Variants in TACC2 observed in about 807,000 individuals in gnomAD.
The protein encoded by TACC2 is transforming acidic coiled-coil-containing protein 2.
Under a neutral mutation model 227.3 loss-of-function variants are expected in TACC2, and 137 were observed. The observed-to-expected ratio is 0.60, with a 90% CI of 0.52 to 0.69. The LOEUF is 0.69. Among genes scored for constraint, TACC2 ranks in the 30% least tolerant of loss-of-function variants. The pLI, the probability that TACC2 is intolerant of heterozygous loss-of-function variation, is 0.00. For missense variants in TACC2, 3,470 were observed against 3,694.4 expected (o/e 0.94, Z 1.57); for synonymous variants, 1,523 against 1,487.5 (o/e 1.02, Z -0.55).
chr10:122,092,118 G>T (rs7096767), intron 5 of TACC2, among the ~76,000 whole-genome samples: 144,156 of 152,274 alleles, frequency 0.95, 68,747 homozygotes, highest in East Asian at 1. Flanking sequence ...CTCTCTTCAG[G>T]GTGGAGATGG....
chr10:121,993,817 C>A lies in TACC2; in HGVS notation c.-46+4329C>A, dbSNP rs543458876. 9.2e-5 allele frequency among the ~76,000 whole-genome samples: 14 copies of A among 152,114 alleles called. No individual in the cohort carries two copies. In the South Asian group the frequency reaches 2.9e-3, roughly 32 times the overall value. ...ATTTTTTTGTTGTACTTTTAGTAGA[C>A]TCTACAAGGTCCCTCTGTGTTGCCC... On this transcript the variant is annotated intron_variant, in intron 1 of 22. Transcript: ENST00000369005.
At chr10:122,134,924 C>T (rs1417521222) in intron 6 of TACC2, among the ~76,000 whole-genome samples, 7 of 152,178 alleles carry the variant, frequency 4.6e-5, no homozygotes, top group Admixed American at 2.6e-4. Flanking sequence ...AGTGACTTGT[C>T]CCAGGCTCCA....
chr10:122,191,931 G>A (rs997754933), intron 7 of TACC2, among the ~76,000 whole-genome samples: 10 of 152,128 alleles, frequency 6.6e-5, no homozygotes, highest in African/African-American at 2.4e-4. Flanking sequence ...TTATACACTG[G>A]GCCTCCAAAG....
Position 122,211,110 on chromosome 10 carries a change from G to C in TACC2, c.6685G>C (p.Val2229Leu), listed in dbSNP as rs144863138. ...TGGCAGAGTGCAGAACTCACCCCCT[G>C]TCGGGAGGAAAACGCTGCCTCTTAC... ...GGGRVQNSPP[V>L]GRKTLPLTTA... Residue 2229 changes from valine to leucine, a missense_variant, in exon 9 of 23, where the codon GTC becomes CTC. Val to Leu is a conservative substitution (Grantham distance 32, BLOSUM62 1). Around this residue, in one of 10 missense-constraint regions of TACC2, gnomAD observed 593 missense variants for 636.6 expected, o/e 0.93. Transcript: ENST00000369005. 1.2e-6 allele frequency: 2 copies of C among 1,611,532 alleles called. No individual in the cohort carries two copies. The highest frequency in any genetic ancestry group is 1.7e-6 in the Non-Finnish European group (2 of 1,178,958).
intron 1 of TACC2, among the ~76,000 whole-genome samples, chr10:122,015,104 T>C (rs1956411225): frequency 3.5e-5 from 1 of 28,544 alleles, no homozygotes; most frequent in Admixed American, 4.6e-4. Context: ...GTTCATCTGC[T>C]ATAAAAAAAA....
chr10:122,165,118 C>G (rs2093077695), intron 7 of TACC2, among the ~76,000 whole-genome samples: 1 of 152,170 alleles, frequency 6.6e-6, no homozygotes, highest in African/African-American at 2.4e-5. Context: ...ACCCCTGTAG[C>G]TTGAGAAAGC....
At chr10:122,046,130 A>G (rs9420343) in intron 2 of TACC2, among the ~76,000 whole-genome samples, 80,743 of 150,146 alleles carry the variant, frequency 0.54, 21,549 homozygotes, top group South Asian at 0.67. Context: ...AGCTGAGATC[A>G]CGCCATTGCA....
At chr10:122,017,818 C>CAAA (rs5788525) in intron 1 of TACC2, among the ~76,000 whole-genome samples, 16,858 of 74,718 alleles carry the variant, frequency 0.23, 1,705 homozygotes, top group South Asian at 0.32. Context: ...GAAACTGTCT[C>CAAA]AAAAAAAAAA....
intron 7 of TACC2, among the ~76,000 whole-genome samples, chr10:122,188,219 A>T (rs1304380302): frequency 6.6e-6 from 1 of 152,100 alleles, no homozygotes; most frequent in Non-Finnish European, 1.5e-5. Flanking sequence ...GTCTCTTCAG[A>T]TGTGGTTCCT....
intron 11 of TACC2, among the ~76,000 whole-genome samples, chr10:122,222,031 G>A (rs982065549): frequency 1.2e-4 from 19 of 152,296 alleles, no homozygotes; most frequent in Admixed American, 6.5e-4. Context: ...GACAGGACCC[G>A]TGAACGATGA....
chr10:122,168,009 C>A (rs2093277295), intron 7 of TACC2, among the ~76,000 whole-genome samples: 1 of 151,208 alleles, frequency 6.6e-6, no homozygotes, highest in Non-Finnish European at 1.5e-5. Context: ...ACCTCATCCT[C>A]TCAAGTAGCT....
chr10:122,059,098 A>G (rs1164299062), intron 3 of TACC2, among the ~76,000 whole-genome samples: 1 of 114,068 alleles, frequency 8.8e-6, no homozygotes, highest in Non-Finnish European at 1.9e-5. Flanking sequence ...TTGTATTTTT[A>G]GTAGAGACGG....
intron 19 of TACC2, 86 bp downstream of exon 19, chr10:122,242,087 G>A: frequency 7.8e-7 from 1 of 1,288,072 alleles, no homozygotes. Flanking sequence ...GGCTCAGAGT[G>A]GGTTTCTGGT....
chr10:122,035,143 C>T lies in TACC2; in HGVS notation c.33+13129C>T, dbSNP rs553951816. 4.7e-4 allele frequency among the ~76,000 whole-genome samples: 71 copies of T among 152,226 alleles called. No homozygotes were observed. In the South Asian group the frequency reaches 0.013, roughly 27 times the overall value. On this transcript the variant is annotated intron_variant, in intron 2 of 22. Coordinates refer to ENST00000369005, the MANE Select transcript of TACC2 (RefSeq NM_206862.4). ...CCTGTTAGGGGAAGAGCACTTTGTC[C>T]GGTTCTATCTCACAGAGGTCTTCCA...
chr10:122,121,257 G>C (rs890458577), intron 5 of TACC2, among the ~76,000 whole-genome samples: 1 of 152,180 alleles, frequency 6.6e-6, no homozygotes, highest in African/African-American at 2.4e-5. Flanking sequence ...TCTTAATGAC[G>C]CCAGCATTTG....
intron 1 of TACC2, among the ~76,000 whole-genome samples, chr10:122,016,528 C>CT (rs1240660076): frequency 6.7e-6 from 1 of 149,280 alleles, no homozygotes; most frequent in Non-Finnish European, 1.5e-5. Flanking sequence ...GATTGCACCA[C>CT]TGTACTCCAG....
rs377138456 is a variant in TACC2 at position 122,083,832 on chromosome 10, A to T, written c.1332A>T (p.Ser444=). 2.5e-5 allele frequency: 40 copies of T among 1,614,172 alleles called. No individual in the cohort carries two copies. Among genetic ancestry groups the T allele is most frequent in the Non-Finnish European group, 3.3e-5 (39 of 1,180,032 alleles). The change falls in exon 4 of 23, where the codon TCA becomes TCT. Residue 444 remains serine (S), a synonymous_variant. Transcript: ENST00000369005. ...VEEPGSSSRE[S]VSKAGMPVSA... Reference sequence around the variant, plus strand: ...AACCTGGATCATCATCCAGGGAATCAGTTTCCAAGGCTGGGATGCCAGTTT... The same window carrying T: ...AACCTGGATCATCATCCAGGGAATCTGTTTCCAAGGCTGGGATGCCAGTTT...
intron 22 of TACC2, among the ~76,000 whole-genome samples, chr10:122,251,322 T>C (rs1319324910): frequency 6.6e-6 from 1 of 152,224 alleles, no homozygotes; most frequent in Non-Finnish European, 1.5e-5. Flanking sequence ...TATGTTCAAC[T>C]ACCTGTTTTG....
At chr10:122,164,017 C>T (rs373928274) in intron 7 of TACC2, 73 of 1,564,620 alleles carry the variant, frequency 4.7e-5, no homozygotes, top group Non-Finnish European at 6.1e-5. Context: ...CGGGCCGCCC[C>T]GAGTCTCCCG....
Sources: allele counts gnomAD v4.1 joint callset (sites outside exome capture counted in the v4.1 genomes callset), GRCh38; gene constraint gnomAD v4.1.1; regional missense constraint gnomAD v4.1.1; transcripts MANE v1.5; gene names NCBI Gene and HGNC (gene_info 2026-07-23, HGNC 2026-07-21).